The following PPP2R5A variants were observed in gnomAD, a reference collection of about 807,000 sequenced individuals.
PPP2R5A encodes the protein protein phosphatase 2 regulatory subunit B'alpha.
In PPP2R5A, 25 loss-of-function variants were observed where a neutral mutation model predicts 64.2. The ratio of observed to expected loss-of-function variants is 0.39; its 90% CI spans 0.28 to 0.54. PPP2R5A has a LOEUF of 0.54. Ranked by LOEUF, PPP2R5A falls within the 20% of genes least tolerant of loss-of-function variation. The probability of loss-of-function intolerance (pLI) is 0.67; values close to 1 mark genes in which losing one functional copy is unlikely to be tolerated. For missense variants in PPP2R5A, 425 were observed against 576.3 expected (o/e 0.74, Z 2.69); for synonymous variants, 198 against 201.2 (o/e 0.98, Z 0.13).
intron 3 of PPP2R5A, among the ~76,000 whole-genome samples, chr1:212,337,134 A>G (rs1659604709): frequency 6.6e-6 from 1 of 152,208 alleles, no homozygotes; most frequent in Admixed American, 6.5e-5. Context: ...GATAGGTTGT[A>G]TCTTCTAATT....
At chr1:212,300,553 CTT>C (rs1658783668) in intron 1 of PPP2R5A, among the ~76,000 whole-genome samples, 1 of 152,266 alleles carries the variant, frequency 6.6e-6, no homozygotes, top group African/African-American at 2.4e-5. Context: ...GAGGAAATCT[CTT>C]TTAAATTTTT....
intron 1 of PPP2R5A, among the ~76,000 whole-genome samples, chr1:212,288,776 A>C (rs1389755956): frequency 6.6e-6 from 1 of 152,128 alleles, no homozygotes; most frequent in African/African-American, 2.4e-5. Flanking sequence ...GAAAGAAAGA[A>C]TTTTCTTCCT....
Position 212,360,820 on chromosome 1 carries a change from T to C in PPP2R5A, c.*50T>C. On this transcript the variant is annotated 3_prime_UTR_variant, in exon 13 of 13. Transcript: ENST00000261461. Reference sequence around the variant, plus strand: ...GATAGGCAGAGTTTTGTATGCTTTTTTGAAATATGTAAAAATTACAAAACA... The same window carrying C: ...GATAGGCAGAGTTTTGTATGCTTTTCTGAAATATGTAAAAATTACAAAACA... The C allele has an allele frequency of 6.8e-7, 1 of 1,467,760 alleles. No homozygotes were observed. The highest frequency in any genetic ancestry group is 9.1e-7 in the Non-Finnish European group (1 of 1,104,690). The allele number at this position is 1,467,760 out of a possible 1,614,324, so 90.9% of individuals were successfully genotyped here.
intron 1 of PPP2R5A, among the ~76,000 whole-genome samples, chr1:212,318,474 GACT>G (rs1017716308): frequency 7.9e-5 from 12 of 152,158 alleles, no homozygotes; most frequent in African/African-American, 2.9e-4. Flanking sequence ...CTGAAGAGAT[GACT>G]ACAAGTTGAT....
Position 212,345,861 on chromosome 1 carries a change from T to A in PPP2R5A, c.632T>A (p.Leu211Gln). 1 of 1,612,674 alleles carries A rather than the reference T, an allele frequency of 6.2e-7. No individual in the cohort carries two copies. Among genetic ancestry groups the A allele is most frequent in the South Asian group, 1.1e-5 (1 of 90,860 alleles). ...PRERDFLKTV[L>Q]HRIYGKFLGL... ...GAACGTGACTTCCTGAAGACTGTTC[T>A]GCACCGAATTTATGGGAAATTTCTT... Residue 211 changes from leucine (L) to glutamine (Q), a missense_variant, in exon 5 of 13, where the codon CTG becomes CAG. This residue lies in a region of PPP2R5A where 140 missense variants were observed against 204.4 expected (regional missense o/e 0.68). Transcript: ENST00000261461.
chr1:212,331,109 A>G (rs2102433985), intron 2 of PPP2R5A, among the ~76,000 whole-genome samples: 1 of 150,884 alleles, frequency 6.6e-6, no homozygotes, highest in South Asian at 2.1e-4. Context: ...CGGAGGTTGC[A>G]GTGGGCCAAG....
chr1:212,307,354 A>T (rs1293312320), intron 1 of PPP2R5A, among the ~76,000 whole-genome samples: 1 of 151,410 alleles, frequency 6.6e-6, no homozygotes, highest in African/African-American at 2.4e-5. Flanking sequence ...TTCTAGTGAG[A>T]TGTAGAATCA....
intron 1 of PPP2R5A, among the ~76,000 whole-genome samples, chr1:212,287,619 T>G (rs1450285079): frequency 6.6e-6 from 1 of 152,256 alleles, no homozygotes; most frequent in Non-Finnish European, 1.5e-5. Context: ...TGCTATCGAA[T>G]TTATCATTTG....
intron 1 of PPP2R5A, among the ~76,000 whole-genome samples, chr1:212,301,633 A>G (rs1181431102): frequency 6.6e-6 from 1 of 152,218 alleles, no homozygotes; most frequent in East Asian, 1.9e-4. Context: ...GTTACTTTAT[A>G]ATAGCCTGCT....
intron 1 of PPP2R5A, among the ~76,000 whole-genome samples, chr1:212,327,418 A>C (rs1475004081): frequency 4.6e-5 from 7 of 152,066 alleles, no homozygotes; most frequent in Non-Finnish European, 1.0e-4. Context: ...ATAAAACAAT[A>C]AACTTTTTAA....
chr1:212,359,524 CAT>C (rs1466850584), intron 12 of PPP2R5A, among the ~76,000 whole-genome samples: 1 of 152,176 alleles, frequency 6.6e-6, no homozygotes, highest in Non-Finnish European at 1.5e-5. Flanking sequence ...ACTTTCTTCT[CAT>C]ATGTTTATTT....
Position 212,357,207 on chromosome 1 carries a change from G to C in PPP2R5A, c.1149G>C (p.Leu383Phe). The C allele has an allele frequency of 6.3e-7, 1 of 1,594,932 alleles. No homozygotes were observed. Among genetic ancestry groups the C allele is most frequent in the Admixed American group, 1.8e-5 (1 of 54,884 alleles). ...GGAATAACGAATATATTCTTAGTTT[G>C]ATTGAGGAGAACATTGATAAAATTC... ...YFWNNEYILS[L>F]IEENIDKILP... The change falls in exon 11 of 13, where the codon TTG becomes TTC. Residue 383 changes from leucine to phenylalanine, a missense_variant. Transcript: ENST00000261461.
At chr1:212,331,292 G>GTA (rs1447815332) in intron 2 of PPP2R5A, among the ~76,000 whole-genome samples, 1 of 151,458 alleles carries the variant, frequency 6.6e-6, no homozygotes, top group Non-Finnish European at 1.5e-5. Context: ...TCCTGAGTAG[G>GTA]TAGAACTACA....
intron 1 of PPP2R5A, among the ~76,000 whole-genome samples, chr1:212,328,612 T>C (rs747809438): frequency 2.0e-4 from 31 of 152,190 alleles, no homozygotes; most frequent in Non-Finnish European, 3.1e-4. Flanking sequence ...ACACCGATTC[T>C]CATTTTGGCA....
intron 4 of PPP2R5A, among the ~76,000 whole-genome samples, chr1:212,344,556 T>C (rs980451261): frequency 6.6e-6 from 1 of 152,236 alleles, no homozygotes; most frequent in African/African-American, 2.4e-5. Flanking sequence ...ATTGTAATTA[T>C]AAACACGAAA....
At chr1:212,299,531 A>G (rs906826391) in intron 1 of PPP2R5A, 4 of 152,118 alleles carry the variant, frequency 2.6e-5, no homozygotes, top group Non-Finnish European at 5.9e-5. Flanking sequence ...TTTTTTCTCA[A>G]TTTGATAGAG....
At chr1:212,302,230 A>G in intron 1 of PPP2R5A, 2 of 782,498 alleles carry the variant, frequency 2.6e-6, no homozygotes, top group Non-Finnish European at 3.8e-6. Flanking sequence ...ACTACAAATT[A>G]TCTTACTGTA....
At chr1:212,307,586 TATA>T (rs1430261883) in intron 1 of PPP2R5A, among the ~76,000 whole-genome samples, 6 of 152,232 alleles carry the variant, frequency 3.9e-5, no homozygotes, top group African/African-American at 9.7e-5. Context: ...TGGTACATTA[TATA>T]ATATTATTTT....
At chr1:212,289,586 G>A (rs1302283283) in intron 1 of PPP2R5A, among the ~76,000 whole-genome samples, 2 of 152,132 alleles carry the variant, frequency 1.3e-5, no homozygotes, top group Admixed American at 6.5e-5. Context: ...TTAGTCCTGG[G>A]TCAAAGGTAA....
Sources: gnomAD v4.1 joint callset for allele counts (sites outside exome capture counted in the v4.1 genomes callset) on GRCh38, gnomAD v4.1.1 for gene constraint, gnomAD v4.1.1 regional missense constraint, MANE v1.5 for transcripts, NCBI Gene and HGNC (gene_info 2026-07-23, HGNC 2026-07-21) for gene names.